Variants in BLM observed in about 807,000 individuals in gnomAD.
BLM encodes recQ-like DNA helicase BLM.
A neutral mutation model predicts 135.3 loss-of-function variants in BLM; 95 were observed. The ratio of observed to expected loss-of-function variants is 0.70; its 90% CI spans 0.59 to 0.83. The LOEUF (loss-of-function observed/expected upper bound fraction) is 0.83. BLM is among the 40% of genes least tolerant of loss of function. The pLI is 0.00. For missense variants in BLM, 1,518 were observed against 1,663.9 expected (o/e 0.91, Z 1.53); for synonymous variants, 520 against 589.2 (o/e 0.88, Z 1.70).
intron 20 of BLM, among the ~76,000 whole-genome samples, chr15:90,809,755 G>A (rs1897364677): frequency 1.3e-5 from 2 of 152,254 alleles, no homozygotes; most frequent in South Asian, 4.1e-4. Flanking sequence ...GAACCTGCCT[G>A]AGTGCATCAT....
chr15:90,735,273 T>TATATATATATATA (rs1895184011), intron 1 of BLM, among the ~76,000 whole-genome samples: 1 of 87,930 alleles, frequency 1.1e-5, no homozygotes, highest in African/African-American at 4.4e-5. Context: ...ATATATATAT[T>TATATATATATATA]TAAGTTAATA....
chr15:90,776,598 T>C (rs1300920750), intron 12 of BLM, among the ~76,000 whole-genome samples: 2 of 152,230 alleles, frequency 1.3e-5, no homozygotes, highest in African/African-American at 4.8e-5. Flanking sequence ...CTCGGCTCAC[T>C]GCAACCTCTG....
intron 5 of BLM, chr15:90,759,850 A>G (rs1273891064): frequency 3.3e-6 from 1 of 306,270 alleles, no homozygotes; most frequent in African/African-American, 2.3e-5. Context: ...CAGGTGATCT[A>G]CCCTTCTTGG....
Position 90,749,753 on chromosome 15 carries a change from C to T in BLM, c.485C>T (p.Thr162Ile), listed in dbSNP as rs1596218602. Residue 162 changes from threonine (T) to isoleucine (I), a missense_variant, in exon 3 of 22, where the codon ACT becomes ATT. By Grantham distance (89) the Thr-to-Ile change is moderately conservative. Coordinates refer to ENST00000355112, the MANE Select transcript of BLM (RefSeq NM_000057.4). ...TGGGATGATATGGATGACTTTGATACTTCTGAGACTTCAAAATCATTTGTT... is the reference window on the plus strand; with the variant it reads ...TGGGATGATATGGATGACTTTGATATTTCTGAGACTTCAAAATCATTTGTT... The part of the protein sequence containing the change: ...NDWDDMDDFD[T>I]SETSKSFVTP... 15 of 1,613,604 alleles carry T rather than the reference C, an allele frequency of 9.3e-6. No individual in the cohort carries two copies. Among genetic ancestry groups the T allele is most frequent in the South Asian group, 6.6e-5 (6 of 91,038 alleles).
At chr15:90,759,464 A>G (rs776825992) in intron 5 of BLM, among the ~76,000 whole-genome samples, 1 of 151,848 alleles carries the variant, frequency 6.6e-6, no homozygotes, top group Admixed American at 6.6e-5. Flanking sequence ...ACAGTGGCAT[A>G]GGCCTGTAGT....
intron 14 of BLM, among the ~76,000 whole-genome samples, chr15:90,788,837 C>A (rs1028002949): frequency 6.6e-6 from 1 of 151,322 alleles, no homozygotes; most frequent in African/African-American, 2.4e-5. Context: ...GCCTGGCATG[C>A]TGGTGCACAC....
At chr15:90,735,594 T>TA (rs11403852) in intron 1 of BLM, among the ~76,000 whole-genome samples, 152,211 of 152,212 alleles carry the variant, frequency 1, 76,105 homozygotes, top group Non-Finnish European at 1. Context: ...ATGGACTCTT[T>TA]ATAAATAGTG....
At chr15:90,809,314 G>A (rs1236440640) in intron 20 of BLM, 55 bp downstream of exon 20, 38 of 1,612,466 alleles carry the variant, frequency 2.4e-5, no homozygotes, top group East Asian at 1.1e-4. Flanking sequence ...GAAGCGACGC[G>A]TCTCACTGAA....
intron 1 of BLM, among the ~76,000 whole-genome samples, chr15:90,737,081 G>A (rs1349483786): frequency 6.6e-6 from 1 of 151,920 alleles, no homozygotes; most frequent in Non-Finnish European, 1.5e-5. Context: ...AGGTGAGGTG[G>A]GACTGACCAA....
At chr15:90,775,075 G>A (rs113521741) in intron 12 of BLM, among the ~76,000 whole-genome samples, 1 of 152,170 alleles carries the variant, frequency 6.6e-6, no homozygotes, top group Non-Finnish European at 1.5e-5. Context: ...AAAGTTAGAG[G>A]TAGAGCAGCC....
chr15:90,759,956 C>CTTT (rs367763242), intron 5 of BLM, 191 bp from the exon 6 acceptor site: 145 of 305,442 alleles, frequency 4.7e-4, no homozygotes, highest in South Asian at 1.2e-3. Flanking sequence ...GATCTTAAGA[C>CTTT]TTTTTTTTTT....
At chr15:90,810,503 G>A (rs1276326808) in intron 20 of BLM, among the ~76,000 whole-genome samples, 2 of 152,246 alleles carry the variant, frequency 1.3e-5, no homozygotes, top group Non-Finnish European at 2.9e-5. Flanking sequence ...GGACAAGGCA[G>A]ACCAGCCAGG....
chr15:90,722,728 A>G (rs1894802244), intron 1 of BLM, among the ~76,000 whole-genome samples: 1 of 152,266 alleles, frequency 6.6e-6, no homozygotes, highest in Non-Finnish European at 1.5e-5. Context: ...ATAGTTACAC[A>G]TAACTATCAT....
intron 1 of BLM, among the ~76,000 whole-genome samples, chr15:90,731,286 G>A (rs555059175): frequency 4.4e-4 from 67 of 152,272 alleles, no homozygotes; most frequent in African/African-American, 1.3e-3. Flanking sequence ...CTAACATATT[G>A]TTTGGGACTT....
chr15:90,799,131 C>A (rs1567060707), intron 17 of BLM, among the ~76,000 whole-genome samples: 1 of 151,636 alleles, frequency 6.6e-6, no homozygotes, highest in Non-Finnish European at 1.5e-5. Context: ...CGCCACTGCA[C>A]TCCAGCCTGG....
intron 14 of BLM, among the ~76,000 whole-genome samples, chr15:90,788,210 G>A (rs1401631795): frequency 6.6e-6 from 1 of 152,048 alleles, no homozygotes; most frequent in Non-Finnish European, 1.5e-5. Context: ...CAGGATAATT[G>A]AAACAGATAA....
intron 1 of BLM, among the ~76,000 whole-genome samples, chr15:90,717,789 C>A (rs1351256481): frequency 6.6e-6 from 1 of 152,226 alleles, no homozygotes; most frequent in Non-Finnish European, 1.5e-5. Flanking sequence ...GCACTACTAC[C>A]TCCGTGTCCC....
intron 1 of BLM, among the ~76,000 whole-genome samples, chr15:90,743,307 T>A (rs1203419122): frequency 1.3e-5 from 2 of 152,178 alleles, no homozygotes; most frequent in African/African-American, 4.8e-5. Flanking sequence ...TGTAATGGCA[T>A]GATAACTTCT....
chr15:90,766,244 G>T (rs1896123151), intron 9 of BLM, among the ~76,000 whole-genome samples: 2 of 151,998 alleles, frequency 1.3e-5, no homozygotes, highest in South Asian at 4.2e-4. Flanking sequence ...GTCATATTAT[G>T]GCCCCTTCAT....
Sources: gnomAD v4.1 joint callset for allele counts (sites outside exome capture counted in the v4.1 genomes callset) on GRCh38, gnomAD v4.1.1 for gene constraint, MANE v1.5 for transcripts, NCBI Gene and HGNC (gene_info 2026-07-23, HGNC 2026-07-21) for gene names.